The following AOPEP variants were observed in gnomAD, a reference collection of about 807,000 sequenced individuals.
AOPEP encodes the protein aminopeptidase O (putative).
A neutral mutation model predicts 98.1 loss-of-function variants in AOPEP; 77 were observed. The ratio of observed to expected loss-of-function variants is 0.78; its 90% confidence interval spans 0.65 to 0.95. The LOEUF (loss-of-function observed/expected upper bound fraction) is 0.95. AOPEP is among the 40% of genes least tolerant of loss of function. The pLI is 0.00. For synonymous variants in AOPEP, 346 were observed against 365.3 expected (o/e 0.95, Z 0.60); for missense variants, 1,024 against 1,024.7 (o/e 1.00, Z 0.01).
chr9:94,744,316 C>T (rs1412333351), intron 1 of AOPEP, among the ~76,000 whole-genome samples: 8 of 152,046 alleles, frequency 5.3e-5, no homozygotes, highest in African/African-American at 1.7e-4. Flanking sequence ...GGCCTGAACC[C>T]GGGAGGCGGA....
chr9:94,891,120 T>G (rs2048829281), intron 5 of AOPEP, among the ~76,000 whole-genome samples: 1 of 152,232 alleles, frequency 6.6e-6, no homozygotes, highest in African/African-American at 2.4e-5. Flanking sequence ...TTTTAAGCTC[T>G]TGTTTAGTGC....
intron 5 of AOPEP, among the ~76,000 whole-genome samples, chr9:94,842,077 A>G (rs551825757): frequency 1.3e-5 from 2 of 152,006 alleles, no homozygotes; most frequent in African/African-American, 2.4e-5. Flanking sequence ...AAAGAAAACA[A>G]GAAGCCAGGT....
At chr9:95,102,870 G>C in the AOPEP span, among the ~76,000 whole-genome samples, 2 of 152,166 alleles carry the variant, frequency 1.3e-5, no homozygotes, top group Non-Finnish European at 2.9e-5. Context: ...CGCTCTCCTC[G>C]GCCCCCCCTG....
chr9:94,996,328 A>C (rs1463352156), intron 11 of AOPEP, among the ~76,000 whole-genome samples: 1 of 149,170 alleles, frequency 6.7e-6, no homozygotes, highest in East Asian at 2.0e-4. Context: ...CACCCCCCAC[A>C]TGTGGTGGAT....
In AOPEP at chr9:94,972,008, G is replaced by A. The variant is rs1342302216; in HGVS notation, c.1916+4207G>A. Among the ~76,000 whole-genome samples the A allele has an allele frequency of 6.6e-6, 1 of 152,184 alleles. No individual in the cohort carries two copies. Among genetic ancestry groups the A allele is most frequent in the African/African-American group, 2.4e-5 (1 of 41,410 alleles). On this transcript the variant is annotated intron_variant, in intron 10 of 16. Transcript: ENST00000375315. The surrounding 1 kb of genome is among the most constrained non-coding windows in gnomAD (Gnocchi z 4.2). ...GCCGAGGGCAGTGTGGCCGAGGGCA[G>A]TGTGGCAGAGAGATGGGGGCGGAGA...
chr9:94,912,846 G>A (rs1285944524), intron 5 of AOPEP, among the ~76,000 whole-genome samples: 1 of 152,260 alleles, frequency 6.6e-6, no homozygotes, highest in Non-Finnish European at 1.5e-5. Context: ...AGGAAGGATG[G>A]AGAGTGGGAG....
intron 13 of AOPEP, among the ~76,000 whole-genome samples, chr9:95,030,823 A>G (rs568239316): frequency 6.6e-6 from 1 of 152,318 alleles, no homozygotes; most frequent in East Asian, 1.9e-4. Flanking sequence ...TCAGCAGTTA[A>G]CCGTGGGTCT....
At chr9:94,949,209 AC>A (rs1375272771) in intron 7 of AOPEP, among the ~76,000 whole-genome samples, 1 of 152,244 alleles carries the variant, frequency 6.6e-6, no homozygotes, top group African/African-American at 2.4e-5. Flanking sequence ...AATTTCTGAT[AC>A]ATGGGCAATC....
chr9:94,749,569 C>A (rs367319), intron 1 of AOPEP, among the ~76,000 whole-genome samples: 1 of 152,112 alleles, frequency 6.6e-6, no homozygotes, highest in Admixed American at 6.6e-5. Flanking sequence ...TTCTTTTTCA[C>A]GTTTTTCTGT....
At chr9:94,810,802 A>G (rs1588334566) in intron 5 of AOPEP, among the ~76,000 whole-genome samples, 1 of 152,220 alleles carries the variant, frequency 6.6e-6, no homozygotes, top group Non-Finnish European at 1.5e-5. Flanking sequence ...CAAAAGTTTC[A>G]GAAGGGGGCC....
At chr9:94,810,487 G>T (rs1379313620) in intron 5 of AOPEP, among the ~76,000 whole-genome samples, 3 of 151,778 alleles carry the variant, frequency 2.0e-5, no homozygotes, top group Non-Finnish European at 2.9e-5. Context: ...GCTCGTTTTT[G>T]TATTTTTAAT....
intron 14 of AOPEP, among the ~76,000 whole-genome samples, chr9:95,063,788 T>A (rs1024439777): frequency 6.6e-6 from 1 of 152,048 alleles, no homozygotes; most frequent in Non-Finnish European, 1.5e-5. Context: ...GACTGTGTCT[T>A]CTCCGGGGTG....
At chr9:95,134,362 T>G in the AOPEP span, among the ~76,000 whole-genome samples, 1 of 152,122 alleles carries the variant, frequency 6.6e-6, no homozygotes, top group African/African-American at 2.4e-5. Flanking sequence ...ACAGCCAACC[T>G]CAGGGACTTC....
chr9:94,816,860 C>T (rs112466311), intron 5 of AOPEP, among the ~76,000 whole-genome samples: 5 of 152,260 alleles, frequency 3.3e-5, no homozygotes, highest in African/African-American at 1.2e-4. Context: ...GCAGTTCCTG[C>T]AACGGTCAAG....
At chr9:95,106,050 T>C in the AOPEP span, among the ~76,000 whole-genome samples, 2 of 152,206 alleles carry the variant, frequency 1.3e-5, no homozygotes, top group East Asian at 3.8e-4. Flanking sequence ...CCCATTCTTC[T>C]CCACAGTAGC....
chr9:94,874,778 C>T (rs926958777), intron 5 of AOPEP, among the ~76,000 whole-genome samples: 2 of 152,124 alleles, frequency 1.3e-5, no homozygotes, highest in African/African-American at 4.8e-5. Context: ...ACGGAAATCT[C>T]TACATATTTT....
intron 2 of AOPEP, among the ~76,000 whole-genome samples, chr9:94,765,480 A>ATAATAATAATAAT (rs55778359): frequency 2.0e-5 from 3 of 148,272 alleles, no homozygotes; most frequent in Non-Finnish European, 4.5e-5. Context: ...AATAATAATA[A>ATAATAATAATAAT]GTCACAGCTA....
Position 94,859,038 on chromosome 9 carries a change from A to AAAAAAAAAAG in AOPEP, c.1364+58037_1364+58038insAAAAAAAAGA, listed in dbSNP as rs77152132. On this transcript the variant is annotated intron_variant, in intron 5 of 16. Transcript: ENST00000375315. ...GCGAGACTCCATTTCAAAAAAAAAG[A>AAAAAAAAAAG]AGACCTGGAAGTGGAGGTTGCAGTG... 6.1e-3 allele frequency among the ~76,000 whole-genome samples: 926 copies of AAAAAAAAAAG among 151,450 alleles called. 14 individuals carry two copies. Among genetic ancestry groups the AAAAAAAAAAG allele is most frequent in the African/African-American group, 0.022 (891 of 41,134 alleles).
chr9:95,005,463 GTC>G, intron 12 of AOPEP, 77 bp from the exon 13 acceptor site: 1 of 1,367,252 alleles, frequency 7.3e-7, no homozygotes, highest in Non-Finnish European at 1.0e-6. Flanking sequence ...GAGGCCGGGG[GTC>G]TCTGCTTTCT....
Sources: allele counts gnomAD v4.1 joint callset (sites outside exome capture counted in the v4.1 genomes callset), GRCh38; gene constraint gnomAD v4.1.1; non-coding constraint Gnocchi (gnomAD v3.1); transcripts MANE v1.5; gene names NCBI Gene and HGNC (gene_info 2026-07-23, HGNC 2026-07-21).